The following RAP1GDS1 variants were observed in gnomAD, a reference collection of about 807,000 sequenced individuals.
The protein encoded by RAP1GDS1 is Rap1 GTPase-GDP dissociation stimulator 1, also known as RAP1, GTP-GDP dissociation stimulator 1.
RAP1GDS1 carries 35 observed loss-of-function variants against 71.1 expected under a neutral mutation model. The observed-to-expected ratio is 0.49, with a 90% CI of 0.38 to 0.65. The LOEUF (loss-of-function observed/expected upper bound fraction) is 0.65. Ranked by LOEUF, RAP1GDS1 falls within the 30% of genes least tolerant of loss-of-function variation. RAP1GDS1 has a pLI of 0.00. For synonymous variants in RAP1GDS1, 229 were observed against 243.1 expected, an observed-to-expected ratio of 0.94 and a Z score of 0.54; for missense variants, 663 against 706.1, an observed-to-expected ratio of 0.94 and a Z score of 0.69.
chr4:98,337,743 G>C (rs1433716299), intron 2 of RAP1GDS1, among the ~76,000 whole-genome samples: 1 of 152,132 alleles, frequency 6.6e-6, no homozygotes, highest in African/African-American at 2.4e-5. Context: ...GGTAGGGTGA[G>C]GGGGGTGGCA....
intron 2 of RAP1GDS1, among the ~76,000 whole-genome samples, chr4:98,333,721 G>T (rs1452079357): frequency 1.3e-5 from 2 of 151,804 alleles, no homozygotes; most frequent in Admixed American, 6.6e-5. Flanking sequence ...TGAGATACTG[G>T]GTAAAACTAG....
intron 2 of RAP1GDS1, among the ~76,000 whole-genome samples, chr4:98,330,939 A>G (rs970893742): frequency 1.3e-5 from 2 of 152,214 alleles, no homozygotes; most frequent in Non-Finnish European, 2.9e-5. Flanking sequence ...TGGGAAGCCA[A>G]GGCAGGCGGC....
intron 5 of RAP1GDS1, among the ~76,000 whole-genome samples, chr4:98,390,106 A>C (rs1214816400): frequency 1.3e-5 from 2 of 152,178 alleles, no homozygotes; most frequent in Non-Finnish European, 2.9e-5. Context: ...AAGAACAAGG[A>C]TCTTCAGAGG....
intron 12 of RAP1GDS1, among the ~76,000 whole-genome samples, chr4:98,427,705 A>T (rs536158639): frequency 6.6e-6 from 1 of 152,280 alleles, no homozygotes; most frequent in Admixed American, 6.5e-5. Context: ...ACTGCTAAAG[A>T]AAATCATAGA....
intron 2 of RAP1GDS1, among the ~76,000 whole-genome samples, chr4:98,339,457 A>G (rs1735167925): frequency 6.6e-6 from 1 of 152,216 alleles, no homozygotes; most frequent in African/African-American, 2.4e-5. Flanking sequence ...TGATTCCTGC[A>G]AACATTAAAA....
chr4:98,358,761 A>G (rs1263516621), intron 4 of RAP1GDS1, among the ~76,000 whole-genome samples: 1 of 151,994 alleles, frequency 6.6e-6, no homozygotes, highest in Non-Finnish European at 1.5e-5. Context: ...GCATGTAAAA[A>G]CTGATGAAAT....
At chr4:98,263,353 G>GA (rs369270239) in intron 1 of RAP1GDS1, among the ~76,000 whole-genome samples, 1 of 152,092 alleles carries the variant, frequency 6.6e-6, no homozygotes, top group East Asian at 1.9e-4. Context: ...TTTTTCAGTG[G>GA]AAAAAATCCA....
chr4:98,408,664 T>C (rs1256102153), intron 7 of RAP1GDS1, among the ~76,000 whole-genome samples: 2 of 152,080 alleles, frequency 1.3e-5, no homozygotes, highest in Admixed American at 1.3e-4. Flanking sequence ...TTTAGCAAAT[T>C]TACTCTAGTA....
At chr4:98,404,935 G>C (rs200966819) in intron 7 of RAP1GDS1, among the ~76,000 whole-genome samples, 1 of 152,132 alleles carries the variant, frequency 6.6e-6, no homozygotes, top group Non-Finnish European at 1.5e-5. Context: ...GGAGTCTCAG[G>C]CCTGCCAACA....
intron 11 of RAP1GDS1, 27 bp downstream of exon 11, chr4:98,420,171 C>G (rs1470117939): frequency 6.7e-7 from 1 of 1,486,288 alleles, no homozygotes; most frequent in Non-Finnish European, 9.0e-7. Context: ...CCCCAACTTG[C>G]ATTTTTCATA....
chr4:98,372,674 A>G (rs1350010428), intron 4 of RAP1GDS1, among the ~76,000 whole-genome samples: 3 of 152,118 alleles, frequency 2.0e-5, no homozygotes, highest in Non-Finnish European at 4.4e-5. Context: ...AATCCCAAAT[A>G]TATTGATGTT....
In RAP1GDS1 at chr4:98,415,499, G is replaced by A. The variant is rs552999295; in HGVS notation, c.764-1246G>A. Reference sequence around the variant, plus strand: ...TTCACAATTTATGTTTTTCTGCCACGGTGCCAGCCAGTCCCACCATTTGGG... The same window carrying A: ...TTCACAATTTATGTTTTTCTGCCACAGTGCCAGCCAGTCCCACCATTTGGG... On this transcript the variant is annotated intron_variant, in intron 7 of 14. Transcript: ENST00000408927. 2.0e-4 allele frequency among the ~76,000 whole-genome samples: 30 copies of A among 152,224 alleles called. 2 individuals are homozygous for A. In the South Asian group the frequency reaches 2.3e-3, roughly 12 times the overall value.
At chr4:98,270,082 G>A (rs564417543) in intron 1 of RAP1GDS1, among the ~76,000 whole-genome samples, 2 of 152,106 alleles carry the variant, frequency 1.3e-5, no homozygotes, top group Non-Finnish European at 2.9e-5. Flanking sequence ...TAGTTGCTGT[G>A]TCCTCCAAAG....
intron 2 of RAP1GDS1, among the ~76,000 whole-genome samples, chr4:98,332,551 G>GATGC (rs1409277368): frequency 6.6e-6 from 1 of 152,192 alleles, no homozygotes; most frequent in Non-Finnish European, 1.5e-5. Context: ...AGAAGGCAAT[G>GATGC]ATGCATGACC....
chr4:98,337,339 G>A (rs10013248), intron 2 of RAP1GDS1, among the ~76,000 whole-genome samples: 6,982 of 152,164 alleles, frequency 0.046, 397 homozygotes, highest in African/African-American at 0.13. Context: ...CTTGTAAAAT[G>A]TGTTAAATAA....
intron 6 of RAP1GDS1, among the ~76,000 whole-genome samples, chr4:98,403,408 G>A (rs929933419): frequency 6.6e-6 from 1 of 152,130 alleles, no homozygotes; most frequent in Non-Finnish European, 1.5e-5. Flanking sequence ...GAAGTTGAGT[G>A]ATAATAAATG....
At chr4:98,293,008 T>A (rs1455401079) in intron 1 of RAP1GDS1, among the ~76,000 whole-genome samples, 1 of 152,204 alleles carries the variant, frequency 6.6e-6, no homozygotes, top group Non-Finnish European at 1.5e-5. Context: ...CTTCATTTTT[T>A]ATGTCTTTAA....
intron 7 of RAP1GDS1, among the ~76,000 whole-genome samples, chr4:98,415,481 T>C (rs1335597615): frequency 6.6e-6 from 1 of 152,188 alleles, no homozygotes; most frequent in Non-Finnish European, 1.5e-5. Flanking sequence ...ATCTTCACAA[T>C]TTATGTTTTT....
At chr4:98,262,892 G>A (rs887276377) in intron 1 of RAP1GDS1, among the ~76,000 whole-genome samples, 1 of 152,218 alleles carries the variant, frequency 6.6e-6, no homozygotes, top group Non-Finnish European at 1.5e-5. Flanking sequence ...GGTTGACGGA[G>A]GAGGTGGTAT....
Sources: gnomAD v4.1 joint callset for allele counts (sites outside exome capture counted in the v4.1 genomes callset) on GRCh38, gnomAD v4.1.1 for gene constraint, MANE v1.5 for transcripts, NCBI Gene and HGNC (gene_info 2026-07-23, HGNC 2026-07-21) for gene names.